AGAP1: variants seen among roughly 807,000 people sequenced by gnomAD.
The protein encoded by AGAP1 is arf-GAP with GTPase, ANK repeat and PH domain-containing protein 1.
AGAP1 carries 29 observed loss-of-function variants against 105.3 expected under a neutral mutation model. The ratio of observed to expected loss-of-function variants is 0.28; its 90% CI spans 0.21 to 0.38. The LOEUF (loss-of-function observed/expected upper bound fraction) is 0.38, where lower values mean the gene tolerates loss of function less well. Ranked by LOEUF, AGAP1 falls within the 10% of genes least tolerant of loss-of-function variation. The pLI is 1.00. For synonymous variants in AGAP1, 509 were observed against 485.9 expected, an observed-to-expected ratio of 1.05 and a Z score of -0.63; for missense variants, 998 against 1,165.1, an observed-to-expected ratio of 0.86 and a Z score of 2.09.
rs893646556 is a variant in AGAP1, at chr2:236,003,482, G to T, written c.1646-33079G>T. ...GGTCGCACGTCCTCCTCATGGCCAC[G>T]CTGGGATGGAGGTGGACTCTGAGCA... is the stretch of plus-strand genomic sequence containing the variant. On this transcript the variant is annotated intron_variant, in intron 13 of 17. Transcript: ENST00000304032. The surrounding 1 kb of genome is among the most constrained non-coding windows in gnomAD (Gnocchi z 4.2). Among the ~76,000 whole-genome samples the T allele has an allele frequency of 2.0e-5, 3 of 152,192 alleles. No homozygotes were observed. In the East Asian group the frequency reaches 5.8e-4, roughly 29 times the overall value.
At chr2:235,984,123 C>T (rs1279422261) in intron 13 of AGAP1, among the ~76,000 whole-genome samples, 2 of 152,202 alleles carry the variant, frequency 1.3e-5, no homozygotes, top group East Asian at 1.9e-4. Flanking sequence ...GAATTTGCCT[C>T]ATCTGGATAT....
intron 9 of AGAP1, among the ~76,000 whole-genome samples, chr2:235,839,947 T>C (rs781376505): frequency 6.6e-6 from 1 of 152,174 alleles, no homozygotes. Context: ...AGAAAGTCAA[T>C]GAAGGGAGGC....
Position 236,000,735 on chromosome 2 carries a change from G to T in AGAP1, c.1645+32112G>T, listed in dbSNP as rs1329061958. 6.6e-6 allele frequency among the ~76,000 whole-genome samples: 1 copy of T among 152,212 alleles called. No individual in the cohort carries two copies. The highest frequency in any genetic ancestry group is 2.1e-4 in the South Asian group (1 of 4,830). ...AGGCAATCAGCCCCGATGGTGTGGC[G>T]GGGCAGGTACTAGAGATTGTGTTTG... On this transcript the variant is annotated intron_variant, in intron 13 of 17. Transcript: ENST00000304032. The surrounding 1 kb of genome is among the most constrained non-coding windows in gnomAD (Gnocchi z 4.3).
At chr2:235,604,627 G>T (rs1945860858) in intron 1 of AGAP1, among the ~76,000 whole-genome samples, 1 of 123,918 alleles carries the variant, frequency 8.1e-6, no homozygotes, top group Non-Finnish European at 1.6e-5. Context: ...CTGTTGCCCA[G>T]GCTGGAGTGC....
rs1947921607 is a variant in AGAP1 at position 235,660,751 on chromosome 2, C to T, written c.164-48428C>T. ...TCTTGGGATGCAATAGAAACAACCT[C>T]TGTTGGTTTTCAGCATTGGAGCAGA... On this transcript the variant is annotated intron_variant, in intron 1 of 17. Coordinates refer to ENST00000304032, the MANE Select transcript of AGAP1 (RefSeq NM_001037131.3). The surrounding 1 kb of genome is among the most constrained non-coding windows in gnomAD (Gnocchi z 5.3). 6.6e-6 allele frequency among the ~76,000 whole-genome samples: 1 copy of T among 152,158 alleles called. No homozygotes were observed. The highest frequency in any genetic ancestry group is 2.4e-5 in the African/African-American group (1 of 41,446).
chr2:235,600,886 A>G lies in AGAP1; in HGVS notation c.163+106037A>G, dbSNP rs1945706974. Among the ~76,000 whole-genome samples the G allele has an allele frequency of 6.6e-6, 1 of 152,196 alleles. No individual in the cohort carries two copies. Among genetic ancestry groups the G allele is most frequent in the Non-Finnish European group, 1.5e-5 (1 of 68,034 alleles). ...TTTCAATCCAGTCAGGTTGACACTC[A>G]GTATTAACCAGCATACCCACCATTG... On this transcript the variant is annotated intron_variant, in intron 1 of 17. Coordinates refer to ENST00000304032, the MANE Select transcript of AGAP1 (RefSeq NM_001037131.3). This position sits in a 1 kb window ranked among gnomAD's most constrained non-coding sequence, Gnocchi z 4.8.
chr2:235,859,407 C>T (rs1217861794), intron 9 of AGAP1, among the ~76,000 whole-genome samples: 15 of 131,810 alleles, frequency 1.1e-4, no homozygotes, highest in African/African-American at 3.5e-4. Context: ...CCCCCCCCCC[C>T]GCCTTTTGTT....
At chr2:236,071,513 C>CT (rs1252097435) in intron 16 of AGAP1, among the ~76,000 whole-genome samples, 1 of 152,204 alleles carries the variant, frequency 6.6e-6, no homozygotes, top group African/African-American at 2.4e-5. Flanking sequence ...CCCAGAACCA[C>CT]ACTGGGGCCA....
At chr2:235,834,551 T>G (rs764439326) in intron 9 of AGAP1, among the ~76,000 whole-genome samples, 7 of 152,158 alleles carry the variant, frequency 4.6e-5, no homozygotes, top group Non-Finnish European at 1.0e-4. Context: ...TGGCTCTTAA[T>G]TTACATATTC....
At position 235,555,581 on chromosome 2, in the gene AGAP1, C is replaced by A. The variant is rs1043068517; in HGVS notation, c.163+60732C>A. ...CTGTCCTGCAGCAGGAAGAGGTAGT[C>A]ATGTTTGGAGGCCGGGCTGTGCATG... On this transcript the variant is annotated intron_variant, in intron 1 of 17. Coordinates refer to ENST00000304032, the MANE Select transcript of AGAP1 (RefSeq NM_001037131.3). This position sits in a 1 kb window ranked among gnomAD's most constrained non-coding sequence, Gnocchi z 5.1. Among the ~76,000 whole-genome samples the A allele has an allele frequency of 6.6e-6, 1 of 152,206 alleles. No individual in the cohort carries two copies. The highest frequency in any genetic ancestry group is 2.4e-5 in the African/African-American group (1 of 41,462).
chr2:235,749,246 C>T (rs1355665145), intron 5 of AGAP1, among the ~76,000 whole-genome samples: 3 of 151,786 alleles, frequency 2.0e-5, no homozygotes, highest in Admixed American at 6.6e-5. Context: ...TGTGAAAAGT[C>T]CTCTCTCCTC....
At chr2:235,956,062 C>T (rs2053935159) in intron 12 of AGAP1, among the ~76,000 whole-genome samples, 1 of 152,178 alleles carries the variant, frequency 6.6e-6, no homozygotes, top group Non-Finnish European at 1.5e-5. Context: ...GAGTTTTCTG[C>T]AAGACGCATT....
At chr2:235,590,639 T>C (rs1945293838) in intron 1 of AGAP1, among the ~76,000 whole-genome samples, 2 of 151,432 alleles carry the variant, frequency 1.3e-5, no homozygotes, top group African/African-American at 2.4e-5. Flanking sequence ...TTTTTGTTTC[T>C]GTTTTTTTTG....
At chr2:235,536,651 A>G (rs1943245249) in intron 1 of AGAP1, among the ~76,000 whole-genome samples, 2 of 149,044 alleles carry the variant, frequency 1.3e-5, no homozygotes, top group African/African-American at 4.9e-5. Context: ...ACACACACAC[A>G]CACACACACA....
chr2:235,576,676 A>G (rs12999140), intron 1 of AGAP1, among the ~76,000 whole-genome samples: 72,082 of 152,178 alleles, frequency 0.47, 17,516 homozygotes, highest in Middle Eastern at 0.63. Flanking sequence ...GTGGAACTCT[A>G]GAGAGGAGGG....
chr2:235,748,691 C>T (rs1953171342), intron 5 of AGAP1, among the ~76,000 whole-genome samples: 1 of 152,168 alleles, frequency 6.6e-6, no homozygotes, highest in Non-Finnish European at 1.5e-5. Flanking sequence ...TGAATAAATT[C>T]CTCAGGACAT....
intron 1 of AGAP1, among the ~76,000 whole-genome samples, chr2:235,528,346 GC>G (rs1391272144): frequency 1.7e-4 from 25 of 147,786 alleles, no homozygotes; most frequent in South Asian, 6.5e-4. Context: ...GTGCACTCAG[GC>G]CCCCTCCCCC....
intron 1 of AGAP1, among the ~76,000 whole-genome samples, chr2:235,581,299 C>T (rs1944924327): frequency 1.3e-5 from 2 of 150,008 alleles, no homozygotes; most frequent in Admixed American, 6.6e-5. Context: ...AAGAGCGAAA[C>T]TCCGTCTCAA....
chr2:235,503,771 T>G (rs1941667271), intron 1 of AGAP1, among the ~76,000 whole-genome samples: 1 of 152,104 alleles, frequency 6.6e-6, no homozygotes, highest in Non-Finnish European at 1.5e-5. Context: ...ATTCATTGGA[T>G]TTTCAGTAGA....
Sources: allele counts gnomAD v4.1 joint callset (sites outside exome capture counted in the v4.1 genomes callset), GRCh38; gene constraint gnomAD v4.1.1; non-coding constraint Gnocchi (gnomAD v3.1); transcripts MANE v1.5; gene names NCBI Gene and HGNC (gene_info 2026-07-23, HGNC 2026-07-21).